SLC24A2: variants seen among roughly 807,000 people sequenced by gnomAD.
SLC24A2 encodes the protein sodium/potassium/calcium exchanger 2.
In SLC24A2, 36 loss-of-function variants were observed where a neutral mutation model predicts 62.0. The ratio of observed to expected loss-of-function variants is 0.58; its 90% CI spans 0.44 to 0.77. SLC24A2 has a LOEUF of 0.77. Ranked by LOEUF, SLC24A2 falls within the 30% of genes least tolerant of loss-of-function variation. The pLI, the probability that SLC24A2 is intolerant of heterozygous loss-of-function variation, is 0.00. For synonymous variants in SLC24A2, 358 were observed against 294.0 expected, an observed-to-expected ratio of 1.22 and a Z score of -2.23; for missense variants, 846 against 817.9, an observed-to-expected ratio of 1.03 and a Z score of -0.42.
chr9:19,743,948 T>C (rs1821754556), intron 2 of SLC24A2, among the ~76,000 whole-genome samples: 5 of 152,100 alleles, frequency 3.3e-5, no homozygotes, highest in Admixed American at 3.3e-4. Flanking sequence ...TTTGATTGCT[T>C]AGTGGCTTAA....
intron 2 of SLC24A2, among the ~76,000 whole-genome samples, chr9:19,659,468 T>G (rs1819031591): frequency 6.6e-6 from 1 of 152,164 alleles, no homozygotes; most frequent in South Asian, 2.1e-4. Flanking sequence ...TCTTCAATTA[T>G]TTTTTTGAGT....
At chr9:20,065,514 T>A in the SLC24A2 span, among the ~76,000 whole-genome samples, 1 of 152,204 alleles carries the variant, frequency 6.6e-6, no homozygotes, top group Non-Finnish European at 1.5e-5. Context: ...AGGGCCCACA[T>A]GACAAGCACT....
At chr9:20,127,897 CCAAT>C in the SLC24A2 span, among the ~76,000 whole-genome samples, 9 of 151,940 alleles carry the variant, frequency 5.9e-5, no homozygotes, top group East Asian at 1.9e-4. Context: ...ATTTTTTTTC[CCAAT>C]CAAATAGCTG....
At chr9:20,051,346 A>C in the SLC24A2 span, among the ~76,000 whole-genome samples, 2 of 152,188 alleles carry the variant, frequency 1.3e-5, no homozygotes, top group Admixed American at 6.5e-5. Context: ...TCTTTAGAAT[A>C]TATAAAGGAA....
chr9:19,574,885 A>C (rs903515278), intron 6 of SLC24A2, among the ~76,000 whole-genome samples: 3 of 152,196 alleles, frequency 2.0e-5, no homozygotes, highest in Non-Finnish European at 4.4e-5. Context: ...GTATGCTGTC[A>C]GGGTTTCTGG....
At chr9:19,522,939 T>C (rs1344887008) in intron 9 of SLC24A2, among the ~76,000 whole-genome samples, 1 of 152,242 alleles carries the variant, frequency 6.6e-6, no homozygotes, top group African/African-American at 2.4e-5. Flanking sequence ...AGATGCTGAC[T>C]AAACAACTGT....
intron 7 of SLC24A2, among the ~76,000 whole-genome samples, chr9:19,558,046 T>G (rs1387719877): frequency 6.6e-6 from 1 of 152,168 alleles, no homozygotes; most frequent in Non-Finnish European, 1.5e-5. Context: ...CAAGTGATCC[T>G]CCTGCCTTGG....
chr9:20,124,464 G>A, the SLC24A2 span, among the ~76,000 whole-genome samples: 2 of 152,096 alleles, frequency 1.3e-5, no homozygotes, highest in Non-Finnish European at 2.9e-5. Flanking sequence ...GAAATTTAAT[G>A]AAAACAAATT....
At chr9:20,025,302 T>A in the SLC24A2 span, among the ~76,000 whole-genome samples, 1 of 152,276 alleles carries the variant, frequency 6.6e-6, no homozygotes, top group Admixed American at 6.5e-5. Flanking sequence ...TAACACTTGG[T>A]CACTCAGTAA....
At chr9:19,977,035 T>A in the SLC24A2 span, among the ~76,000 whole-genome samples, 1 of 152,110 alleles carries the variant, frequency 6.6e-6, no homozygotes, top group East Asian at 1.9e-4. Flanking sequence ...AAAAAATATA[T>A]GCAATATGTA....
chr9:20,064,449 T>C, the SLC24A2 span, among the ~76,000 whole-genome samples: 1 of 152,202 alleles, frequency 6.6e-6, no homozygotes, highest in Non-Finnish European at 1.5e-5. Flanking sequence ...TATTGAATTA[T>C]AATTTACGGT....
chr9:20,243,216 T>C, the SLC24A2 span, among the ~76,000 whole-genome samples: 3 of 152,188 alleles, frequency 2.0e-5, no homozygotes, highest in African/African-American at 7.2e-5. Flanking sequence ...TTTAAAAAAA[T>C]TATAAATTAG....
At chr9:19,651,455 T>C (rs1287173157) in intron 2 of SLC24A2, among the ~76,000 whole-genome samples, 1 of 152,208 alleles carries the variant, frequency 6.6e-6, no homozygotes, top group African/African-American at 2.4e-5. Flanking sequence ...TGAACCCATG[T>C]TCTTAACAGC....
At chr9:19,900,058 G>A in the SLC24A2 span, among the ~76,000 whole-genome samples, 9 of 152,128 alleles carry the variant, frequency 5.9e-5, no homozygotes, top group South Asian at 2.1e-4. Flanking sequence ...TGCTAATCAT[G>A]TAGTTCATAA....
intron 2 of SLC24A2, among the ~76,000 whole-genome samples, chr9:19,762,159 G>GC (rs1822354217): frequency 6.6e-6 from 1 of 151,986 alleles, no homozygotes; most frequent in South Asian, 2.1e-4. Flanking sequence ...TGATGGGGTT[G>GC]TTTTTTTCTT....
intron 2 of SLC24A2, among the ~76,000 whole-genome samples, chr9:19,739,951 C>A (rs992143955): frequency 4.6e-5 from 7 of 152,114 alleles, no homozygotes; most frequent in African/African-American, 1.7e-4. Context: ...ATAAAGAACT[C>A]CTACAAATCA....
chr9:20,218,966 A>C, the SLC24A2 span, among the ~76,000 whole-genome samples: 1 of 152,174 alleles, frequency 6.6e-6, no homozygotes, highest in Non-Finnish European at 1.5e-5. Flanking sequence ...CTATTGATGA[A>C]GTGCTGAGGG....
At chr9:19,906,004 C>A in the SLC24A2 span, among the ~76,000 whole-genome samples, 1 of 152,228 alleles carries the variant, frequency 6.6e-6, no homozygotes, top group East Asian at 1.9e-4. Flanking sequence ...AACTCTCCAC[C>A]CCAAATCAAC....
the SLC24A2 span, among the ~76,000 whole-genome samples, chr9:20,025,894 C>T: frequency 6.6e-6 from 1 of 152,152 alleles, no homozygotes; most frequent in Non-Finnish European, 1.5e-5. Flanking sequence ...TGCATCACTG[C>T]TATTAAAGAA....
Sources: allele counts gnomAD v4.1 joint callset (sites outside exome capture counted in the v4.1 genomes callset), GRCh38; gene constraint gnomAD v4.1.1; transcripts MANE v1.5; gene names NCBI Gene and HGNC (gene_info 2026-07-23, HGNC 2026-07-21).